Variants in PCDH1 observed in about 807,000 individuals in gnomAD.
PCDH1 encodes the protein protocadherin-1.
In PCDH1, 23 loss-of-function variants were observed where a neutral mutation model predicts 74.6. That is an observed-to-expected ratio of 0.31 (90% confidence interval 0.22 to 0.44). The LOEUF (loss-of-function observed/expected upper bound fraction) is 0.44. PCDH1 is among the 20% of genes least tolerant of loss of function. The pLI is 1.00. For synonymous variants in PCDH1, 647 were observed against 686.1 expected (o/e 0.94, Z 0.89); for missense variants, 1,214 against 1,641.4 (o/e 0.74, Z 4.50).
intron 1 of PCDH1, among the ~76,000 whole-genome samples, chr5:141,877,931 C>G (rs2126836244): frequency 6.6e-6 from 1 of 152,288 alleles, no homozygotes; most frequent in African/African-American, 2.4e-5. Flanking sequence ...CTCCTGGAGT[C>G]TCCTTATCCC....
In PCDH1 at chr5:141,863,939, C is replaced by T; in HGVS notation, c.2392G>A (p.Gly798Ser). Residue 798 changes from glycine (G) to serine (S), a missense_variant, in exon 3 of 5, where the codon GGC becomes AGC. By Grantham distance (56) the Gly-to-Ser change is moderately conservative. This residue lies in a region of PCDH1 where 836 missense variants were observed against 1,182.2 expected (regional missense o/e 0.71). Transcript: ENST00000287008. This position sits in a 1 kb window ranked among gnomAD's most constrained non-coding sequence, Gnocchi z 7.5. Reference protein sequence around the residue: ...HRLVVKVSDRGKPPRYGTALV... With the variant: ...HRLVVKVSDRSKPPRYGTALV... ...GCTGTGCCATAGCGTGGGGGCTTGC[C>T]GCGGTCACTGACCTTCACCACCAGG... is the stretch of plus-strand genomic sequence containing the variant. 2 of 1,614,162 alleles carry T rather than the reference C, an allele frequency of 1.2e-6. No homozygotes were observed. The highest frequency in any genetic ancestry group is 1.7e-6 in the Non-Finnish European group (2 of 1,180,036).
chr5:141,869,525 A>ACTGACACAC lies in PCDH1; in HGVS notation c.41-103_41-95dup. ...GCTGGCCCCATACTCACCCTCTCCC[A>ACTGACACAC]CTGACACACGATTCTCCACAAGAGC... On this transcript the variant is annotated intron_variant, in intron 1 of 4. Transcript: ENST00000287008. The surrounding 1 kb of genome is among the most constrained non-coding windows in gnomAD (Gnocchi z 4.9). 2 of 1,547,834 alleles carry ACTGACACAC rather than the reference A, an allele frequency of 1.3e-6. No individual in the cohort carries two copies. Among genetic ancestry groups the ACTGACACAC allele is most frequent in the Non-Finnish European group, 1.7e-6 (2 of 1,153,322 alleles).
chr5:141,859,319 G>A (rs1275399731), intron 3 of PCDH1, among the ~76,000 whole-genome samples: 1 of 152,184 alleles, frequency 6.6e-6, no homozygotes, highest in Non-Finnish European at 1.5e-5. Flanking sequence ...TACTAAGCAA[G>A]TCGCTTGGTC....
chr5:141,872,135 C>CG (rs1374837254), intron 1 of PCDH1, among the ~76,000 whole-genome samples: 1 of 145,864 alleles, frequency 6.9e-6, no homozygotes, highest in African/African-American at 2.6e-5. Context: ...CCCACCCCCC[C>CG]CCTCCACCTG....
chr5:141,856,308 G>A, intron 4 of PCDH1: 1 of 1,505,160 alleles, frequency 6.6e-7, no homozygotes, highest in Non-Finnish European at 8.9e-7. Context: ...ATCGCGCATG[G>A]AGGGGCGGGG....
chr5:141,875,595 T>G (rs1016183795), intron 1 of PCDH1, among the ~76,000 whole-genome samples: 4 of 151,292 alleles, frequency 2.6e-5, no homozygotes, highest in Admixed American at 2.6e-4. Context: ...CCTGCAGAAG[T>G]AGCCACAGCA....
chr5:141,878,388 G>T lies in PCDH1; in HGVS notation c.-126C>A. The stretch of plus-strand genomic sequence containing the variant: ...AGCCCGGCGGCTTTGCGTCCGCGCC[G>T]CGCTCCCGCTCCCCGAGTGTGTGAG... On this transcript the variant is annotated 5_prime_UTR_variant, in exon 1 of 5. Transcript: ENST00000287008. The surrounding 1 kb of genome is among the most constrained non-coding windows in gnomAD (Gnocchi z 5.5). 1.5e-6 allele frequency: 1 copy of T among 651,494 alleles called. No homozygotes were observed. Among genetic ancestry groups the T allele is most frequent in the Non-Finnish European group, 2.0e-6 (1 of 488,492 alleles). 40.4% of individuals were successfully genotyped at this position (651,494 alleles called of 1,614,324 possible).
chr5:141,878,167 C>A lies in PCDH1; in HGVS notation c.40+56G>T. ...GCGCCCCTCCCTCAGCTCCCGCCGGCCATGACCGCTTCGGGCCCCAAGCCG... is the reference window on the plus strand; with the variant it reads ...GCGCCCCTCCCTCAGCTCCCGCCGGACATGACCGCTTCGGGCCCCAAGCCG... On this transcript the variant is annotated intron_variant, in intron 1 of 4. Transcript: ENST00000287008. The surrounding 1 kb of genome is among the most constrained non-coding windows in gnomAD (Gnocchi z 5.5). 7.1e-7 allele frequency: 1 copy of A among 1,416,078 alleles called. No individual in the cohort carries two copies. The highest frequency in any genetic ancestry group is 9.2e-7 in the Non-Finnish European group (1 of 1,081,918). The allele number at this position is 1,416,078 out of a possible 1,614,324, so 87.7% of individuals were successfully genotyped here. A position where few individuals can be genotyped will look rare whatever the true frequency, so the allele number is the denominator to read the frequency against.
intron 1 of PCDH1, among the ~76,000 whole-genome samples, chr5:141,870,492 G>C (rs1186773762): frequency 6.6e-6 from 1 of 152,120 alleles, no homozygotes. Context: ...AACTGGGACA[G>C]AGCTGCCGAT....
intron 1 of PCDH1, among the ~76,000 whole-genome samples, chr5:141,872,699 C>T (rs544870885): frequency 2.6e-5 from 4 of 152,310 alleles, no homozygotes; most frequent in Admixed American, 6.5e-5. Context: ...AGACTACCTC[C>T]GCTCCCCACA....
Position 141,854,379 on chromosome 5 carries a change from T to C in PCDH1, c.3377A>G (p.Glu1126Gly), listed in dbSNP as rs545671142. The C allele has an allele frequency of 1.2e-6, 2 of 1,613,340 alleles. No individual in the cohort carries two copies. Among genetic ancestry groups the C allele is most frequent in the East Asian group, 4.5e-5 (2 of 44,866 alleles). ...CCAGCATGTGTCAGAGTGGCCAAACTCACTGCACTCCCGGGTACATGTGCC... is the reference window on the plus strand; with the variant it reads ...CCAGCATGTGTCAGAGTGGCCAAACCCACTGCACTCCCGGGTACATGTGCC... ...MTGTCTRECS[E>G]FGHSDTCWMP... Residue 1126 changes from glutamate to glycine, a missense_variant, in exon 5 of 5, where the codon GAG becomes GGG. This residue lies in a region of PCDH1 where 194 missense variants were observed against 198.3 expected (regional missense o/e 0.98). Coordinates refer to ENST00000287008, the MANE Select transcript of PCDH1 (RefSeq NM_032420.5).
intron 4 of PCDH1, 123 bp from the exon 5 acceptor site, chr5:141,854,559 G>T: frequency 1.0e-6 from 1 of 995,784 alleles, no homozygotes; most frequent in Non-Finnish European, 1.4e-6. Context: ...CTTCCTGACC[G>T]CTGAACTCAC....
chr5:141,862,662 G>C (rs954920702), intron 3 of PCDH1: 2 of 986,938 alleles, frequency 2.0e-6, no homozygotes, highest in Non-Finnish European at 2.4e-6. Flanking sequence ...TCCAAAAATA[G>C]AGAACTTTAT....
chr5:141,877,697 G>A (rs903197393), intron 1 of PCDH1, among the ~76,000 whole-genome samples: 3 of 152,206 alleles, frequency 2.0e-5, no homozygotes, highest in African/African-American at 7.2e-5. Context: ...AGGTATGTCT[G>A]TGTGCACATA....
Position 141,868,819 on chromosome 5 carries a change from C to A in PCDH1, c.653G>T (p.Gly218Val). The A allele has an allele frequency of 6.2e-7, 1 of 1,614,206 alleles. No individual in the cohort carries two copies. Among genetic ancestry groups the A allele is most frequent in the Non-Finnish European group, 8.5e-7 (1 of 1,180,030 alleles). The change falls in exon 2 of 5, where the codon GGG becomes GTG. Residue 218 changes from glycine (G) to valine (V), a missense_variant. Physicochemically the swap from Gly to Val is moderately radical, Grantham distance 109. Coordinates refer to ENST00000287008, the MANE Select transcript of PCDH1 (RefSeq NM_032420.5). This position sits in a 1 kb window ranked among gnomAD's most constrained non-coding sequence, Gnocchi z 4.8. The stretch of plus-strand genomic sequence containing the variant: ...CTCCTGGTCCTCTGCCACCTGCAGC[C>A]CAAATAGCTCCTGGGCCTCAGGCCC... ...QAGPEAQELF[G>V]LQVAEDQEEK...
rs377359382 is a variant in PCDH1 at position 141,863,727 on chromosome 5, G to A, written c.2604C>T (p.Ile868=). The A allele has an allele frequency of 7.4e-6, 12 of 1,614,092 alleles. No individual in the cohort carries two copies. The highest frequency in any genetic ancestry group is 1.6e-4 in the Middle Eastern group (1 of 6,084). ...VAGVVAVALL[I]ALAVLVRYCR... Reference sequence around the variant, plus strand: ...AGTAGCGCACAAGAACCGCCAGGGCGATGAGCAAGGCCACGGCCACCACAC... The same window carrying A: ...AGTAGCGCACAAGAACCGCCAGGGCAATGAGCAAGGCCACGGCCACCACAC... The change falls in exon 3 of 5, where the codon ATC becomes ATT. Residue 868 remains isoleucine, a synonymous_variant. Coordinates refer to ENST00000287008, the MANE Select transcript of PCDH1 (RefSeq NM_032420.5). This position sits in a 1 kb window ranked among gnomAD's most constrained non-coding sequence, Gnocchi z 7.5.
chr5:141,865,095 T>G lies in PCDH1; in HGVS notation c.1236A>C (p.Thr412=). The G allele has an allele frequency of 6.2e-7, 1 of 1,614,210 alleles. No individual in the cohort carries two copies. Among genetic ancestry groups the G allele is most frequent in the South Asian group, 1.1e-5 (1 of 91,086 alleles). The change falls in exon 3 of 5, where the codon ACA becomes ACC. Residue 412 remains threonine (T), a synonymous_variant. Coordinates refer to ENST00000287008, the MANE Select transcript of PCDH1 (RefSeq NM_032420.5). The surrounding 1 kb of genome is among the most constrained non-coding windows in gnomAD (Gnocchi z 4.4). The part of the protein sequence containing the change: ...ANISEDVAEE[T]AVALVQVSDR... Reference sequence around the variant, plus strand: ...CAGACACCTGCACCAGGGCCACAGCTGTCTCCTCTGCCACATCCTCTGAGA... The same window carrying G: ...CAGACACCTGCACCAGGGCCACAGCGGTCTCCTCTGCCACATCCTCTGAGA...
rs1561486251 is a variant in PCDH1 at position 141,868,451 on chromosome 5, T to C, written c.903+118A>G. ...CCTGGCTGAGTTTGGGGAGAAGGGG[T>C]CTCACTACAGTATTCTGGCAGTTTT... is the stretch of plus-strand genomic sequence containing the variant. On this transcript the variant is annotated intron_variant, in intron 2 of 4. Transcript: ENST00000287008. This position sits in a 1 kb window ranked among gnomAD's most constrained non-coding sequence, Gnocchi z 4.8. 6.9e-7 allele frequency: 1 copy of C among 1,452,572 alleles called. No individual in the cohort carries two copies. The allele number at this position is 1,452,572 out of a possible 1,614,324, so 90.0% of individuals were successfully genotyped here. A position where few individuals can be genotyped will look rare whatever the true frequency, so the allele number is the denominator to read the frequency against.
chr5:141,864,425 C>T lies in PCDH1; in HGVS notation c.1906G>A (p.Val636Ile). The T allele has an allele frequency of 1.2e-6, 2 of 1,614,152 alleles. No individual in the cohort carries two copies. The highest frequency in any genetic ancestry group is 1.7e-6 in the Non-Finnish European group (2 of 1,180,016). Reference sequence around the variant, plus strand: ...TTCTCCCCCTTGTCTCCATCAATGACAGTCACCATGCCCACTGGACTCAGT... The same window carrying T: ...TTCTCCCCCTTGTCTCCATCAATGATAGTCACCATGCCCACTGGACTCAGT... ...PALSPVGMVT[V>I]IDGDKGENAQ... Residue 636 changes from valine (V) to isoleucine (I), a missense_variant, in exon 3 of 5, where the codon GTC becomes ATC. This residue lies in a region of PCDH1 where 836 missense variants were observed against 1,182.2 expected (regional missense o/e 0.71). Transcript: ENST00000287008. The surrounding 1 kb of genome is among the most constrained non-coding windows in gnomAD (Gnocchi z 5.9).
Sources: gnomAD v4.1 joint callset for allele counts (sites outside exome capture counted in the v4.1 genomes callset) on GRCh38, gnomAD v4.1.1 for gene constraint, gnomAD v4.1.1 regional missense constraint, Gnocchi (gnomAD v3.1) non-coding constraint, MANE v1.5 for transcripts, NCBI Gene and HGNC (gene_info 2026-07-23, HGNC 2026-07-21) for gene names.